Variants in STK33 observed in about 807,000 individuals in gnomAD.
STK33 encodes serine/threonine-protein kinase 33.
Under a neutral mutation model 58.0 loss-of-function variants are expected in STK33, and 52 were observed. That is an observed-to-expected ratio of 0.90 (90% CI 0.72 to 1.13). The LOEUF (loss-of-function observed/expected upper bound fraction) is 1.13, where lower values mean the gene tolerates loss of function less well. STK33 is among the 50% of genes most tolerant of loss of function. STK33 has a pLI of 0.00. For synonymous variants in STK33, 215 were observed against 200.1 expected (o/e 1.07, Z -0.63); for missense variants, 630 against 604.2 (o/e 1.04, Z -0.45).
intron 1 of STK33, among the ~76,000 whole-genome samples, chr11:8,497,218 A>C (rs1951129562): frequency 6.6e-6 from 1 of 152,222 alleles, no homozygotes; most frequent in African/African-American, 2.4e-5. Flanking sequence ...TTCTACATTT[A>C]GTGAAAAACA....
intron 11 of STK33, among the ~76,000 whole-genome samples, chr11:8,449,547 C>A (rs1945996685): frequency 6.6e-6 from 1 of 150,510 alleles, no homozygotes; most frequent in African/African-American, 2.5e-5. Context: ...AAACCAAACA[C>A]CGCATGTTCT....
At chr11:8,373,936 G>A in the STK33 span, among the ~76,000 whole-genome samples, 2 of 152,190 alleles carry the variant, frequency 1.3e-5, no homozygotes, top group African/African-American at 4.8e-5. Context: ...GTGCCTTCCT[G>A]GGCACTTAGC....
intron 11 of STK33, among the ~76,000 whole-genome samples, chr11:8,450,267 G>A (rs563170670): frequency 1.3e-5 from 2 of 152,236 alleles, no homozygotes; most frequent in South Asian, 2.1e-4. Flanking sequence ...GGACATGGAC[G>A]AAGCTGAAAA....
At position 8,475,059 on chromosome 11, in the gene STK33, C is replaced by A. The variant is rs550442712; in HGVS notation, c.-154G>T. 12 of 550,030 alleles carry A rather than the reference C, an allele frequency of 2.2e-5. No homozygotes were observed. The South Asian group carries it at 3.0e-4, about 14-fold the overall frequency. The allele number at this position is 550,030 out of a possible 1,614,324, so 34.1% of individuals were successfully genotyped here. A position where few individuals can be genotyped will look rare whatever the true frequency, so the allele number is the denominator to read the frequency against. The stretch of plus-strand genomic sequence containing the variant: ...AGGATGCACTAGACACATATTCACA[C>A]GTGAGAGCTGCAGAAAGAAAAGAAA... On this transcript the variant is annotated 5_prime_UTR_variant, in exon 5 of 16. Transcript: ENST00000687296.
the STK33 span, among the ~76,000 whole-genome samples, chr11:8,335,877 G>A: frequency 1.3e-5 from 2 of 152,104 alleles, no homozygotes; most frequent in Admixed American, 6.5e-5. Flanking sequence ...CAATTCCTAC[G>A]AGCCAAGTTT....
intron 1 of STK33, among the ~76,000 whole-genome samples, chr11:8,498,795 T>C (rs1369923179): frequency 6.6e-6 from 1 of 152,208 alleles, no homozygotes; most frequent in African/African-American, 2.4e-5. Flanking sequence ...TACAATCATC[T>C]GATCTTTGAC....
At chr11:8,341,176 G>A in the STK33 span, among the ~76,000 whole-genome samples, 2 of 152,230 alleles carry the variant, frequency 1.3e-5, no homozygotes, top group Non-Finnish European at 2.9e-5. Flanking sequence ...CTGTTTCCCT[G>A]CTCTTAGGCA....
intron 1 of STK33, among the ~76,000 whole-genome samples, chr11:8,493,826 A>C (rs1046856029): frequency 8.5e-5 from 13 of 152,220 alleles, no homozygotes; most frequent in Admixed American, 1.3e-4. Flanking sequence ...CCATCACATA[A>C]ACAGAACCAA....
intron 1 of STK33, among the ~76,000 whole-genome samples, chr11:8,557,621 T>G (rs2140864104): frequency 1.3e-5 from 2 of 152,198 alleles, no homozygotes; most frequent in East Asian, 3.9e-4. Context: ...ATAAGTCAGA[T>G]GTAAAGAAGG....
chr11:8,403,601 T>G (rs918352043), intron 15 of STK33, among the ~76,000 whole-genome samples: 1 of 152,214 alleles, frequency 6.6e-6, no homozygotes, highest in Non-Finnish European at 1.5e-5. Flanking sequence ...TTCTTACCAT[T>G]TGGGACAGTT....
chr11:8,588,297 T>G (rs2032041954), intron 1 of STK33, among the ~76,000 whole-genome samples: 1 of 152,150 alleles, frequency 6.6e-6, no homozygotes, highest in African/African-American at 2.4e-5. Context: ...GGAGCCAAAG[T>G]CCTGTTAGCA....
At chr11:8,464,886 A>G (rs1947993105) in intron 6 of STK33, 64 bp from the exon 7 acceptor site, 1 of 1,052,130 alleles carries the variant, frequency 9.5e-7, no homozygotes, top group Admixed American at 1.9e-5. Context: ...AAATGAACAT[A>G]TAATACTGAC....
chr11:8,342,170 G>T, the STK33 span, among the ~76,000 whole-genome samples: 2 of 152,224 alleles, frequency 1.3e-5, no homozygotes, highest in Non-Finnish European at 2.9e-5. Context: ...TGGATTCAAA[G>T]ATATTCTCAT....
At chr11:8,528,175 C>G (rs1448666590) in intron 1 of STK33, among the ~76,000 whole-genome samples, 1 of 152,208 alleles carries the variant, frequency 6.6e-6, no homozygotes, top group East Asian at 1.9e-4. Context: ...GAGCATGAGA[C>G]TTCCCTCAGG....
intron 10 of STK33, among the ~76,000 whole-genome samples, chr11:8,453,761 T>G (rs954566150): frequency 6.6e-6 from 1 of 152,246 alleles, no homozygotes; most frequent in African/African-American, 2.4e-5. Flanking sequence ...TCCAGTGCCT[T>G]ATGGAGTAAG....
At chr11:8,472,955 T>C (rs1565117714) in intron 6 of STK33, among the ~76,000 whole-genome samples, 1 of 152,224 alleles carries the variant, frequency 6.6e-6, no homozygotes, top group Admixed American at 6.5e-5. Context: ...TTCTCCACTT[T>C]AATTAAAATC....
At chr11:8,530,749 G>C (rs910377952) in intron 1 of STK33, among the ~76,000 whole-genome samples, 1 of 152,170 alleles carries the variant, frequency 6.6e-6, no homozygotes, top group Non-Finnish European at 1.5e-5. Context: ...GAGGGCAGTG[G>C]TGCAATCTCG....
intron 1 of STK33, among the ~76,000 whole-genome samples, chr11:8,501,352 C>T (rs1202119293): frequency 6.6e-6 from 1 of 152,058 alleles, no homozygotes; most frequent in Non-Finnish European, 1.5e-5. Context: ...AATAAAGAGA[C>T]AACCCAATTT....
the STK33 span, among the ~76,000 whole-genome samples, chr11:8,357,509 G>A: frequency 2.6e-5 from 4 of 152,270 alleles, no homozygotes; most frequent in African/African-American, 9.6e-5. Context: ...GGAAGAGGAG[G>A]CAGTGCAGAG....
Sources: allele counts gnomAD v4.1 joint callset (sites outside exome capture counted in the v4.1 genomes callset), GRCh38; gene constraint gnomAD v4.1.1; transcripts MANE v1.5; gene names NCBI Gene and HGNC (gene_info 2026-07-23, HGNC 2026-07-21).